Variants in MYO16 observed in about 807,000 individuals in gnomAD.
MYO16 encodes unconventional myosin-XVI.
A neutral mutation model predicts 205.3 loss-of-function variants in MYO16; 94 were observed. The ratio of observed to expected loss-of-function variants is 0.46; its 90% CI spans 0.39 to 0.54. The LOEUF (loss-of-function observed/expected upper bound fraction) is 0.54, where lower values mean the gene tolerates loss of function less well. MYO16 is among the 20% of genes least tolerant of loss of function. The pLI, the probability that MYO16 is intolerant of heterozygous loss-of-function variation, is 0.00. For missense variants in MYO16, 2,315 were observed against 2,387.5 expected, an observed-to-expected ratio of 0.97 and a Z score of 0.63; for synonymous variants, 988 against 954.0, an observed-to-expected ratio of 1.04 and a Z score of -0.66.
At chr13:109,065,431 T>C (rs1209713414) in intron 27 of MYO16, 5 of 367,312 alleles carry the variant, frequency 1.4e-5, no homozygotes, top group Non-Finnish European at 1.5e-5. Flanking sequence ...CTCTCCCCGA[T>C]ATGTATATGT....
At chr13:108,869,765 C>A (rs1237182) in intron 12 of MYO16, among the ~76,000 whole-genome samples, 122,864 of 126,904 alleles carry the variant, frequency 0.97, 59,644 homozygotes, top group East Asian at 0.99. Context: ...AAAAAAGAAA[C>A]CACACATAAA....
At chr13:108,905,840 C>G (rs1258954364) in intron 15 of MYO16, among the ~76,000 whole-genome samples, 1 of 152,182 alleles carries the variant, frequency 6.6e-6, no homozygotes, top group African/African-American at 2.4e-5. Flanking sequence ...TAAGGCCATG[C>G]TTTTAACTGC....
the MYO16 span, among the ~76,000 whole-genome samples, chr13:108,548,893 G>C: frequency 6.6e-6 from 1 of 152,222 alleles, no homozygotes; most frequent in East Asian, 1.9e-4. Context: ...ATTTCTCCTT[G>C]TGCACAATTA....
chr13:108,569,490 T>A, the MYO16 span, among the ~76,000 whole-genome samples: 1 of 152,194 alleles, frequency 6.6e-6, no homozygotes, highest in African/African-American at 2.4e-5. Flanking sequence ...GATTTTTTAA[T>A]ATTGAGCTGG....
intron 27 of MYO16, among the ~76,000 whole-genome samples, chr13:109,094,101 G>T (rs1200866310): frequency 6.6e-6 from 1 of 152,146 alleles, no homozygotes; most frequent in Non-Finnish European, 1.5e-5. Flanking sequence ...CGGGACTACA[G>T]TTCCCCCAGA....
intron 34 of MYO16, among the ~76,000 whole-genome samples, chr13:109,190,705 A>AT (rs1879874243): frequency 6.6e-6 from 1 of 152,180 alleles, no homozygotes; most frequent in African/African-American, 2.4e-5. Context: ...GTGAAGTCAC[A>AT]TTTTATTCAG....
chr13:108,921,613 G>A (rs774567206), intron 16 of MYO16, among the ~76,000 whole-genome samples: 4 of 152,214 alleles, frequency 2.6e-5, no homozygotes, highest in South Asian at 2.1e-4. Context: ...TTTTAGGTGT[G>A]TAGGCCTATA....
the MYO16 span, among the ~76,000 whole-genome samples, chr13:108,541,945 G>A: frequency 2.0e-5 from 3 of 152,118 alleles, no homozygotes; most frequent in Non-Finnish European, 4.4e-5. Context: ...ATTTGACTCG[G>A]CAATCCCACT....
chr13:108,694,588 C>A (rs763788882), intron 2 of MYO16, among the ~76,000 whole-genome samples: 39 of 152,034 alleles, frequency 2.6e-4, no homozygotes, highest in Non-Finnish European at 3.2e-4. Flanking sequence ...TCTAAGAGTT[C>A]TTGGTATACA....
intron 32 of MYO16, among the ~76,000 whole-genome samples, chr13:109,145,325 A>G (rs1223293806): frequency 6.6e-6 from 1 of 152,064 alleles, no homozygotes; most frequent in Non-Finnish European, 1.5e-5. Flanking sequence ...CTCTTCCCCT[A>G]GCTACCTATG....
Position 109,127,728 on chromosome 13 carries a change from A to G in MYO16, c.4051+178A>G, listed in dbSNP as rs898900488. The G allele has an allele frequency of 4.6e-6, 3 of 646,916 alleles. No homozygotes were observed. Among genetic ancestry groups the G allele is most frequent in the Non-Finnish European group, 7.4e-6 (3 of 403,932 alleles). 40.1% of individuals were successfully genotyped at this position (646,916 alleles called of 1,614,324 possible). On this transcript the variant is annotated intron_variant, in intron 31 of 34. Coordinates refer to ENST00000457511, the MANE Select transcript of MYO16 (RefSeq NM_001198950.3). This position sits in a 1 kb window ranked among gnomAD's most constrained non-coding sequence, Gnocchi z 4.2. ...ATAAATAATATTTATTCAAATCTCT[A>G]AGCCTCTTAGGGAAAAGCTACTTAC...
At chr13:108,686,812 C>T (rs1882696874) in intron 2 of MYO16, among the ~76,000 whole-genome samples, 5 of 152,182 alleles carry the variant, frequency 3.3e-5, no homozygotes, top group Admixed American at 2.6e-4. Flanking sequence ...AGGACAATGC[C>T]GCAGCAGTGG....
At chr13:108,726,919 G>A (rs1333001124) in intron 3 of MYO16, among the ~76,000 whole-genome samples, 1 of 151,586 alleles carries the variant, frequency 6.6e-6, no homozygotes, top group African/African-American at 2.4e-5. Flanking sequence ...CTTACAATAT[G>A]ACATGCTGTG....
At chr13:108,503,969 A>T in the MYO16 span, among the ~76,000 whole-genome samples, 38 of 57,586 alleles carry the variant, frequency 6.6e-4, no homozygotes, top group South Asian at 1.2e-3. Context: ...TTTTATTATT[A>T]TTTTTTTTGC....
At chr13:109,023,027 A>G (rs1032242369) in intron 23 of MYO16, among the ~76,000 whole-genome samples, 8 of 134,768 alleles carry the variant, frequency 5.9e-5, no homozygotes, top group African/African-American at 2.2e-4. Flanking sequence ...GTATGTATAT[A>G]TTTATATATT....
intron 29 of MYO16, among the ~76,000 whole-genome samples, chr13:109,123,802 A>G (rs1490102200): frequency 1.3e-5 from 2 of 152,234 alleles, no homozygotes; most frequent in African/African-American, 2.4e-5. Flanking sequence ...TAAACACATC[A>G]AAGTTAATAT....
chr13:109,145,058 G>T (rs1877266380), intron 32 of MYO16, among the ~76,000 whole-genome samples: 1 of 152,212 alleles, frequency 6.6e-6, no homozygotes, highest in Non-Finnish European at 1.5e-5. Context: ...ACACATATAA[G>T]AAAGATATGA....
At chr13:108,566,916 A>G in the MYO16 span, among the ~76,000 whole-genome samples, 1 of 152,212 alleles carries the variant, frequency 6.6e-6, no homozygotes, top group Non-Finnish European at 1.5e-5. Context: ...GTTGACAATT[A>G]GAACAATTTG....
intron 1 of MYO16, among the ~76,000 whole-genome samples, chr13:108,597,488 C>T (rs1878603497): frequency 6.6e-6 from 1 of 151,762 alleles, no homozygotes; most frequent in African/African-American, 2.4e-5. Context: ...ACACCACTCT[C>T]CATCTCCTAT....
Sources: gnomAD v4.1 joint callset for allele counts (sites outside exome capture counted in the v4.1 genomes callset) on GRCh38, gnomAD v4.1.1 for gene constraint, Gnocchi (gnomAD v3.1) non-coding constraint, MANE v1.5 for transcripts, NCBI Gene and HGNC (gene_info 2026-07-23, HGNC 2026-07-21) for gene names.